Variants in KLF5 observed in about 807,000 individuals in gnomAD.
The protein encoded by KLF5 is Krueppel-like factor 5.
Under a neutral mutation model 36.9 loss-of-function variants are expected in KLF5, and 9 were observed. The observed-to-expected ratio is 0.24, with a 90% CI of 0.15 to 0.43. The LOEUF is 0.43. Among genes scored for constraint, KLF5 ranks in the 20% least tolerant of loss-of-function variants. The pLI is 1.00. For missense variants in KLF5, 524 were observed against 599.5 expected, an observed-to-expected ratio of 0.87 and a Z score of 1.31; for synonymous variants, 246 against 241.7, an observed-to-expected ratio of 1.02 and a Z score of -0.17.
At chr13:73,062,905 CTCTA>C (rs2044650624) in intron 2 of KLF5, among the ~76,000 whole-genome samples, 171 bp downstream of exon 2, 1 of 139,812 alleles carries the variant, frequency 7.2e-6, no homozygotes, top group South Asian at 2.2e-4. Context: ...TTTTTTTTTT[CTCTA>C]TCCTATCTCT....
upstream of KLF5, chr13:73,058,931 G>A (rs1302115237): frequency 2.5e-5 from 4 of 159,226 alleles, no homozygotes; most frequent in East Asian, 5.3e-4. Flanking sequence ...GATTCGCGGC[G>A]GCGCTGCCAA....
At chr13:73,072,284 C>T (rs1015357489) in intron 3 of KLF5, among the ~76,000 whole-genome samples, 7 of 152,140 alleles carry the variant, frequency 4.6e-5, no homozygotes, top group African/African-American at 1.7e-4. Flanking sequence ...GGCTTACAAA[C>T]ATGTTCCACT....
intron 3 of KLF5, among the ~76,000 whole-genome samples, chr13:73,066,243 T>A (rs1360452301): frequency 6.6e-6 from 1 of 152,154 alleles, no homozygotes; most frequent in East Asian, 1.9e-4. Context: ...CTTTTAAAAT[T>A]ACCTGTTCTC....
chr13:73,055,662 T>C (rs1304516809), upstream of KLF5, among the ~76,000 whole-genome samples: 1 of 152,204 alleles, frequency 6.6e-6, no homozygotes, highest in African/African-American at 2.4e-5. Context: ...AAGTTTTCAC[T>C]GATACAGATT....
chr13:73,060,638 G>GT (rs2044627799), intron 1 of KLF5: 1 of 152,132 alleles, frequency 6.6e-6, no homozygotes, highest in Non-Finnish European at 1.5e-5. Flanking sequence ...GTCTATCCGG[G>GT]AAACCCCGTC....
chr13:73,072,187 C>G (rs1166152430), intron 3 of KLF5, among the ~76,000 whole-genome samples: 3 of 152,066 alleles, frequency 2.0e-5, no homozygotes, highest in African/African-American at 4.8e-5. Flanking sequence ...AGAGAAACTT[C>G]CCATTCCATT....
At chr13:73,059,777 G>GT (rs1247343001) in intron 1 of KLF5, 189 bp downstream of exon 1, 3 of 741,196 alleles carry the variant, frequency 4.0e-6, no homozygotes, top group African/African-American at 1.9e-5. Flanking sequence ...GAGTAAATGG[G>GT]GGGGGGGGCC....
In KLF5 at chr13:73,076,107, C is replaced by A; in HGVS notation, c.*221C>A. 7 of 358,424 alleles carry A rather than the reference C, an allele frequency of 2.0e-5. No individual in the cohort carries two copies. Among genetic ancestry groups the A allele is most frequent in the Non-Finnish European group, 3.5e-5 (7 of 201,910 alleles). 22.2% of individuals were successfully genotyped at this position (358,424 alleles called of 1,614,324 possible). A position where few individuals can be genotyped will look rare whatever the true frequency, so the allele number is the denominator to read the frequency against. ...GGAATGCTTGCTGTAATGTATATGG[C>A]TTTACTCAAGCAGATCTCATCTCAT... On this transcript the variant is annotated 3_prime_UTR_variant, in exon 4 of 4. Coordinates refer to ENST00000377687, the MANE Select transcript of KLF5 (RefSeq NM_001730.5).
Position 73,059,011 on chromosome 13 carries a change from G to T in KLF5, c.-317G>T. 1 of 240,542 alleles carries T rather than the reference G, an allele frequency of 4.2e-6. No homozygotes were observed. Among genetic ancestry groups the T allele is most frequent in the Non-Finnish European group, 8.0e-6 (1 of 124,472 alleles). The allele number at this position is 240,542 out of a possible 1,614,324, so 14.9% of individuals were successfully genotyped here. A position where few individuals can be genotyped will look rare whatever the true frequency, so the allele number is the denominator to read the frequency against. On this transcript the variant is annotated 5_prime_UTR_variant, in exon 1 of 4. Transcript: ENST00000377687. The stretch of plus-strand genomic sequence containing the variant: ...GCGGGCGTCAAGTGTCAGTAGTCGC[G>T]GGGCAGGTACGTGCGCTCGCGGTTC...
intron 3 of KLF5, among the ~76,000 whole-genome samples, chr13:73,069,528 A>C (rs563192174): frequency 8.5e-5 from 13 of 152,138 alleles, no homozygotes; most frequent in African/African-American, 3.1e-4. Flanking sequence ...GCAGCTTTGA[A>C]ATTTATTTTG....
chr13:73,061,937 G>C lies in KLF5; in HGVS notation c.338G>C (p.Arg113Thr), dbSNP rs745752404. The change falls in exon 2 of 4, where the codon AGA becomes ACA. Residue 113 changes from arginine to threonine, a missense_variant. Around this residue, in one of 4 missense-constraint regions of KLF5, gnomAD observed 454 missense variants for 458.1 expected, o/e 0.99. Transcript: ENST00000377687. ...VPIIPEHKKY[R>T]RDSASVVDQF... ...ATAATTCCAGAGCATAAAAAGTATA[G>C]ACGAGACAGTGCCTCAGTCGTAGAC... 6.2e-7 allele frequency: 1 copy of C among 1,614,068 alleles called. No individual in the cohort carries two copies. Among genetic ancestry groups the C allele is most frequent in the South Asian group, 1.1e-5 (1 of 91,078 alleles).
At chr13:73,068,557 A>C (rs1357456117) in intron 3 of KLF5, among the ~76,000 whole-genome samples, 1 of 151,562 alleles carries the variant, frequency 6.6e-6, no homozygotes, top group Non-Finnish European at 1.5e-5. Flanking sequence ...TACAAAAATT[A>C]GTCAGGCGTG....
At chr13:73,055,042 A>C (rs1300894019), upstream of KLF5, 1 of 152,202 alleles carries the variant, frequency 6.6e-6, no homozygotes, top group African/African-American at 2.4e-5. Flanking sequence ...AATACTGTGC[A>C]GTTTAAGCTA....
rs2139120806 is a variant in KLF5, at chr13:73,075,926, C to T, written c.*40C>T. On this transcript the variant is annotated 3_prime_UTR_variant, in exon 4 of 4. Coordinates refer to ENST00000377687, the MANE Select transcript of KLF5 (RefSeq NM_001730.5). Reference sequence around the variant, plus strand: ...ACCCGTTCCAGGTCCCCTGGGCTCCCTCAAATGACAGACCTAACTATTCCT... The same window carrying T: ...ACCCGTTCCAGGTCCCCTGGGCTCCTTCAAATGACAGACCTAACTATTCCT... 1 of 1,459,642 alleles carries T rather than the reference C, an allele frequency of 6.9e-7. No individual in the cohort carries two copies. Among genetic ancestry groups the T allele is most frequent in the East Asian group, 2.4e-5 (1 of 41,296 alleles). The allele number at this position is 1,459,642 out of a possible 1,614,324, so 90.4% of individuals were successfully genotyped here.
intron 3 of KLF5, among the ~76,000 whole-genome samples, chr13:73,072,855 G>A (rs538401304): frequency 6.6e-6 from 1 of 152,176 alleles, no homozygotes; most frequent in Non-Finnish European, 1.5e-5. Flanking sequence ...AAAGATTAGA[G>A]ATTCTAGCAA....
chr13:73,066,692 T>A (rs1482416761), intron 3 of KLF5, among the ~76,000 whole-genome samples: 1 of 152,226 alleles, frequency 6.6e-6, no homozygotes, highest in Non-Finnish European at 1.5e-5. Flanking sequence ...GGGTTGCAAA[T>A]TGAACCTAAG....
intron 3 of KLF5, among the ~76,000 whole-genome samples, chr13:73,069,108 TAATAAAA>T (rs1217255531): frequency 1.3e-5 from 2 of 151,966 alleles, no homozygotes; most frequent in South Asian, 2.1e-4. Flanking sequence ...AAAATAATAA[TAATAAAA>T]AATAAAAAAT....
chr13:73,067,883 C>G (rs1594396374), intron 3 of KLF5, among the ~76,000 whole-genome samples: 1 of 151,516 alleles, frequency 6.6e-6, no homozygotes, highest in African/African-American at 2.4e-5. Context: ...CTTTCGTCCC[C>G]AGGCTGGAGT....
rs768310629 is a variant in KLF5, at chr13:73,077,415, TGTG to T, written c.*1532_*1534del. 2.6e-5 allele frequency: 4 copies of T among 152,810 alleles called. No homozygotes were observed. The highest frequency in any genetic ancestry group is 1.3e-4 in the Admixed American group (2 of 15,312). 9.5% of individuals were successfully genotyped at this position (152,810 alleles called of 1,614,324 possible). A position where few individuals can be genotyped will look rare whatever the true frequency, so the allele number is the denominator to read the frequency against. On this transcript the variant is annotated 3_prime_UTR_variant, in exon 4 of 4. Coordinates refer to ENST00000377687, the MANE Select transcript of KLF5 (RefSeq NM_001730.5). ...TTCTTTTTCCCTCTTATTTTTGTAT[TGTG>T]GTCATTTCCTATGCAAATAATGGAG...
Sources: gnomAD v4.1 joint callset for allele counts (sites outside exome capture counted in the v4.1 genomes callset) on GRCh38, gnomAD v4.1.1 for gene constraint, gnomAD v4.1.1 regional missense constraint, MANE v1.5 for transcripts, NCBI Gene and HGNC (gene_info 2026-07-23, HGNC 2026-07-21) for gene names.